Variants in AUH observed in about 807,000 individuals in gnomAD.
The protein encoded by AUH is AU RNA binding methylglutaconyl-CoA hydratase.
In AUH, 29 loss-of-function variants were observed where a neutral mutation model predicts 42.3. The observed-to-expected ratio is 0.69, with a 90% CI of 0.51 to 0.93. AUH has a LOEUF of 0.93. Among genes scored for constraint, AUH ranks in the 40% least tolerant of loss-of-function variants. AUH has a pLI of 0.00. For missense variants in AUH, 452 were observed against 438.1 expected (o/e 1.03, Z -0.28); for synonymous variants, 174 against 166.4 (o/e 1.05, Z -0.35).
intron 6 of AUH, among the ~76,000 whole-genome samples, chr9:91,282,358 C>T (rs1826035902): frequency 6.6e-6 from 1 of 152,086 alleles, no homozygotes; most frequent in African/African-American, 2.4e-5. Context: ...ATAGCACCTT[C>T]CACTTCTGCC....
At chr9:91,341,115 AAGCTGACCAAAGTTCTAG>A (rs2131976547) in intron 3 of AUH, among the ~76,000 whole-genome samples, 1 of 152,274 alleles carries the variant, frequency 6.6e-6, no homozygotes, top group South Asian at 2.1e-4. Flanking sequence ...AGCTCTACTC[AAGCTGACCAAAGTTCTAG>A]AGCTGAATTC....
intron 6 of AUH, among the ~76,000 whole-genome samples, chr9:91,221,557 G>T (rs974875290): frequency 3.9e-5 from 6 of 152,016 alleles, no homozygotes; most frequent in African/African-American, 1.2e-4. Flanking sequence ...GGTCATCTCC[G>T]TTAGCTCTTC....
intron 5 of AUH, among the ~76,000 whole-genome samples, chr9:91,297,124 G>T (rs560390874): frequency 6.6e-6 from 1 of 152,220 alleles, no homozygotes; most frequent in Non-Finnish European, 1.5e-5. Flanking sequence ...ATCAGTCTAC[G>T]TTGCTCTCAT....
At chr9:91,305,378 T>G (rs1402843724) in intron 4 of AUH, among the ~76,000 whole-genome samples, 2 of 152,218 alleles carry the variant, frequency 1.3e-5, no homozygotes, top group Non-Finnish European at 2.9e-5. Context: ...TGGTATACTA[T>G]GCTTATGCTG....
At chr9:91,325,472 T>G in intron 3 of AUH, 68 bp from the exon 4 acceptor site, 12 of 1,333,840 alleles carry the variant, frequency 9.0e-6, no homozygotes, top group Middle Eastern at 2.0e-4. Flanking sequence ...GAATTGAAAA[T>G]TTACTTAAGA....
chr9:91,271,572 A>G (rs1303788055), intron 6 of AUH, among the ~76,000 whole-genome samples: 1 of 152,270 alleles, frequency 6.6e-6, no homozygotes, highest in African/African-American at 2.4e-5. Context: ...AAAGAAGACT[A>G]CGTTTAGTAG....
chr9:91,358,603 C>G (rs1832616045), intron 1 of AUH, among the ~76,000 whole-genome samples: 1 of 152,184 alleles, frequency 6.6e-6, no homozygotes, highest in African/African-American at 2.4e-5. Flanking sequence ...CATGAGGACC[C>G]AATTAACCTC....
At chr9:91,317,373 A>G (rs1042275051) in intron 4 of AUH, among the ~76,000 whole-genome samples, 2 of 152,162 alleles carry the variant, frequency 1.3e-5, no homozygotes, top group Non-Finnish European at 2.9e-5. Context: ...ACATGTTACA[A>G]TAAAGTTTTA....
At chr9:91,251,579 A>C (rs911366753) in intron 6 of AUH, among the ~76,000 whole-genome samples, 4 of 152,204 alleles carry the variant, frequency 2.6e-5, no homozygotes, top group African/African-American at 9.7e-5. Flanking sequence ...CATTGATATA[A>C]GCTCCCAAAG....
chr9:91,223,372 T>G (rs937986750), intron 6 of AUH, among the ~76,000 whole-genome samples: 1 of 152,236 alleles, frequency 6.6e-6, no homozygotes, highest in African/African-American at 2.4e-5. Flanking sequence ...GTCCTCAAGA[T>G]TCACCTCTGT....
chr9:91,341,189 C>G (rs1479174634), intron 3 of AUH, among the ~76,000 whole-genome samples: 3 of 152,176 alleles, frequency 2.0e-5, no homozygotes, highest in African/African-American at 7.2e-5. Context: ...AGGAAGGACC[C>G]CTTCCAGCCT....
intron 6 of AUH, among the ~76,000 whole-genome samples, chr9:91,254,780 T>A (rs1053204491): frequency 6.6e-6 from 1 of 152,200 alleles, no homozygotes; most frequent in African/African-American, 2.4e-5. Flanking sequence ...GCACATCTCT[T>A]AACTAACAAA....
chr9:91,215,965 G>T, intron 9 of AUH, 94 bp downstream of exon 9: 3 of 1,326,520 alleles, frequency 2.3e-6, no homozygotes, highest in Non-Finnish European at 3.2e-6. Context: ...GGGCGCAAGG[G>T]TAATCTTGCT....
intron 4 of AUH, among the ~76,000 whole-genome samples, chr9:91,305,804 T>C (rs1405064406): frequency 1.3e-5 from 2 of 152,224 alleles, no homozygotes; most frequent in Admixed American, 1.3e-4. Flanking sequence ...ACTTGCCTGG[T>C]ACAGTCTGAG....
chr9:91,264,422 T>C (rs1829861578), intron 6 of AUH, among the ~76,000 whole-genome samples: 1 of 152,166 alleles, frequency 6.6e-6, no homozygotes, highest in Non-Finnish European at 1.5e-5. Context: ...TGTCAACCAT[T>C]GTTTTGCTTC....
chr9:91,221,206 T>C (rs1297422756), intron 6 of AUH, among the ~76,000 whole-genome samples: 2 of 152,212 alleles, frequency 1.3e-5, no homozygotes, highest in East Asian at 3.8e-4. Context: ...CTTACATCCT[T>C]ATTAAGTGAT....
intron 6 of AUH, among the ~76,000 whole-genome samples, chr9:91,280,040 C>T (rs1440533527): frequency 2.6e-5 from 4 of 152,132 alleles, no homozygotes; most frequent in African/African-American, 9.7e-5. Flanking sequence ...GATGGTAAGT[C>T]CAAACAATTC....
At chr9:91,304,454 G>A (rs183439314) in intron 4 of AUH, among the ~76,000 whole-genome samples, 1 of 152,352 alleles carries the variant, frequency 6.6e-6, no homozygotes, top group Admixed American at 6.5e-5. Context: ...GTGATGCAGA[G>A]TAAGACCATG....
chr9:91,216,676 C>T (rs1406351805), intron 8 of AUH, among the ~76,000 whole-genome samples: 1 of 152,150 alleles, frequency 6.6e-6, no homozygotes, highest in African/African-American at 2.4e-5. Flanking sequence ...GAAGGAAGCA[C>T]TTTTCTTCAA....
Sources: allele counts gnomAD v4.1 joint callset (sites outside exome capture counted in the v4.1 genomes callset), GRCh38; gene constraint gnomAD v4.1.1; transcripts MANE v1.5; gene names NCBI Gene and HGNC (gene_info 2026-07-23, HGNC 2026-07-21).